Variants in ADGRL2 observed in about 807,000 individuals in gnomAD.
ADGRL2 encodes calcium-independent alpha-latrotoxin receptor 2.
A neutral mutation model predicts 157.4 loss-of-function variants in ADGRL2; 44 were observed. That is an observed-to-expected ratio of 0.28 (90% confidence interval 0.22 to 0.36). The LOEUF (loss-of-function observed/expected upper bound fraction) is 0.36, where lower values mean the gene tolerates loss of function less well. Among genes scored for constraint, ADGRL2 ranks in the 10% least tolerant of loss-of-function variants. ADGRL2 has a pLI of 1.00. For missense variants in ADGRL2, 1,510 were observed against 1,768.9 expected, an observed-to-expected ratio of 0.85 and a Z score of 2.63; for synonymous variants, 585 against 624.7, an observed-to-expected ratio of 0.94 and a Z score of 0.95.
chr1:81,940,715 G>A (rs1647602462), intron 4 of ADGRL2, among the ~76,000 whole-genome samples: 1 of 113,080 alleles, frequency 8.8e-6, no homozygotes, highest in Non-Finnish European at 1.8e-5. Flanking sequence ...GTACATTTTG[G>A]AAATGCAGTA....
At chr1:81,861,759 C>A (rs2093396532) in intron 2 of ADGRL2, among the ~76,000 whole-genome samples, 1 of 151,996 alleles carries the variant, frequency 6.6e-6, no homozygotes, top group African/African-American at 2.4e-5. Context: ...TGTGGTGGCG[C>A]TTGCCTGTTA....
At chr1:81,367,447 A>C (rs1444532682) in intron 1 of ADGRL2, among the ~76,000 whole-genome samples, 4 of 152,064 alleles carry the variant, frequency 2.6e-5, no homozygotes, top group Admixed American at 2.6e-4. Flanking sequence ...TTCAGCTCCC[A>C]CTTATAAATG....
intron 1 of ADGRL2, among the ~76,000 whole-genome samples, chr1:81,431,880 A>C (rs931707461): frequency 2.0e-5 from 3 of 152,172 alleles, no homozygotes; most frequent in African/African-American, 7.2e-5. Context: ...ATGTTCATGA[A>C]GTTTTCTAAT....
At chr1:81,914,941 A>G (rs2094820264) in intron 3 of ADGRL2, among the ~76,000 whole-genome samples, 1 of 152,206 alleles carries the variant, frequency 6.6e-6, no homozygotes. Flanking sequence ...TAAACATGAA[A>G]CTTATTAAAC....
intron 22 of ADGRL2, chr1:81,987,324 GA>G: frequency 1.3e-6 from 2 of 1,578,698 alleles, no homozygotes; most frequent in Non-Finnish European, 1.7e-6. Flanking sequence ...CCATCTTCAA[GA>G]TTTATATCAT....
At chr1:81,482,804 C>T (rs1279469533) in intron 2 of ADGRL2, among the ~76,000 whole-genome samples, 1 of 151,366 alleles carries the variant, frequency 6.6e-6, no homozygotes, top group Non-Finnish European at 1.5e-5. Context: ...TTACATTTTA[C>T]ATTATATATA....
intron 2 of ADGRL2, among the ~76,000 whole-genome samples, chr1:81,492,222 C>T (rs1166550473): frequency 2.6e-5 from 4 of 151,898 alleles, no homozygotes; most frequent in Admixed American, 2.0e-4. Context: ...ATGTAGAAAA[C>T]GCTCATGACT....
chr1:81,915,305 C>A (rs950152324), intron 3 of ADGRL2, among the ~76,000 whole-genome samples: 1 of 152,096 alleles, frequency 6.6e-6, no homozygotes, highest in Non-Finnish European at 1.5e-5. Flanking sequence ...TCTCAAAACT[C>A]CTGGACCCAA....
intron 1 of ADGRL2, among the ~76,000 whole-genome samples, chr1:81,835,290 G>A (rs754671724): frequency 5.3e-5 from 8 of 152,068 alleles, no homozygotes; most frequent in Non-Finnish European, 1.0e-4. Flanking sequence ...CTTCATCCAC[G>A]CGTTTACATT....
At chr1:81,526,423 T>C (rs1027601296) in intron 2 of ADGRL2, among the ~76,000 whole-genome samples, 10 of 152,344 alleles carry the variant, frequency 6.6e-5, no homozygotes, top group African/African-American at 2.4e-4. Context: ...GTCAATATTA[T>C]AGCTTGATAG....
chr1:81,550,688 C>A (rs1251480474), intron 2 of ADGRL2, among the ~76,000 whole-genome samples: 2 of 152,064 alleles, frequency 1.3e-5, no homozygotes, highest in Non-Finnish European at 2.9e-5. Flanking sequence ...CCATGCTGTT[C>A]GAGATTTATC....
intron 17 of ADGRL2, 31 bp from the exon 18 acceptor site, chr1:81,979,838 T>C: frequency 8.1e-7 from 1 of 1,227,452 alleles, no homozygotes. Flanking sequence ...TCTTTGTTCA[T>C]TGTGGTCTAA....
At chr1:81,949,153 G>C (rs1338262110) in intron 6 of ADGRL2, among the ~76,000 whole-genome samples, 2 of 152,062 alleles carry the variant, frequency 1.3e-5, no homozygotes, top group African/African-American at 4.8e-5. Context: ...TAAATTGAAG[G>C]CATCATATAT....
chr1:81,836,663 T>C (rs1422130261), intron 1 of ADGRL2, among the ~76,000 whole-genome samples: 1 of 152,052 alleles, frequency 6.6e-6, no homozygotes, highest in Non-Finnish European at 1.5e-5. Flanking sequence ...CATGTACAAA[T>C]TTTGGCAATT....
intron 1 of ADGRL2, among the ~76,000 whole-genome samples, chr1:81,370,227 CT>C (rs34057224): frequency 8.6e-5 from 13 of 151,938 alleles, no homozygotes; most frequent in Admixed American, 7.2e-4. Context: ...GATTTTTTAC[CT>C]TTTTTATAGA....
chr1:81,399,645 T>C (rs2076717201), intron 1 of ADGRL2, among the ~76,000 whole-genome samples: 1 of 152,188 alleles, frequency 6.6e-6, no homozygotes, highest in East Asian at 1.9e-4. Flanking sequence ...TCTTTTAATA[T>C]CTATCTCCTT....
rs114281775 is a variant in ADGRL2 at position 81,345,764 on chromosome 1, A to G, written c.-302+39255A>G. Among the ~76,000 whole-genome samples the G allele has an allele frequency of 6.6e-3, 1,001 of 152,282 alleles. 9 individuals are homozygous for G. Among genetic ancestry groups the G allele is most frequent in the Non-Finnish European group, 0.011 (719 of 68,004 alleles). The stretch of plus-strand genomic sequence containing the variant: ...AAAGAAGTGGAAAGGAAGAAACTAT[A>G]TGTAAAAACGTAAAAATGCTTAGAA... On this transcript the variant is annotated intron_variant, in intron 1 of 24. Transcript: ENST00000370721.
upstream of ADGRL2, among the ~76,000 whole-genome samples, chr1:81,697,080 T>C (rs1175150860): frequency 6.6e-6 from 1 of 152,208 alleles, no homozygotes; most frequent in East Asian, 1.9e-4. Context: ...AAGTTAGAGA[T>C]ACTTTAGAAT....
intron 1 of ADGRL2, among the ~76,000 whole-genome samples, chr1:81,810,418 GT>G (rs5775632): frequency 1 from 151,169 of 151,868 alleles, 75,243 homozygotes; most frequent in Non-Finnish European, 1. Context: ...TATTAAACTG[GT>G]TACCATCCAT....
Sources: allele counts gnomAD v4.1 joint callset (sites outside exome capture counted in the v4.1 genomes callset), GRCh38; gene constraint gnomAD v4.1.1; transcripts MANE v1.5; gene names NCBI Gene and HGNC (gene_info 2026-07-23, HGNC 2026-07-21).